Variants in ADGRL2 observed in about 807,000 individuals in gnomAD.
The protein encoded by ADGRL2 is calcium-independent alpha-latrotoxin receptor 2.
In ADGRL2, 44 loss-of-function variants were observed where a neutral mutation model predicts 157.4. The ratio of observed to expected loss-of-function variants is 0.28; its 90% CI spans 0.22 to 0.36. The LOEUF (loss-of-function observed/expected upper bound fraction) is 0.36, where lower values mean the gene tolerates loss of function less well. Ranked by LOEUF, ADGRL2 falls within the 10% of genes least tolerant of loss-of-function variation. ADGRL2 has a pLI of 1.00. For synonymous variants in ADGRL2, 585 were observed against 624.7 expected, an observed-to-expected ratio of 0.94 and a Z score of 0.95; for missense variants, 1,510 against 1,768.9, an observed-to-expected ratio of 0.85 and a Z score of 2.63.
At chr1:81,924,523 T>A (rs948067973) in intron 3 of ADGRL2, among the ~76,000 whole-genome samples, 5 of 152,106 alleles carry the variant, frequency 3.3e-5, no homozygotes, top group African/African-American at 4.8e-5. Context: ...CGTAGAGAGA[T>A]GTTTAGGAGA....
intron 11 of ADGRL2, among the ~76,000 whole-genome samples, chr1:81,962,704 G>A (rs1223260970): frequency 2.0e-5 from 3 of 152,136 alleles, no homozygotes; most frequent in African/African-American, 7.2e-5. Context: ...GAGAGAGGCA[G>A]CTGATTTGAT....
At chr1:81,427,363 A>G (rs879643528) in intron 1 of ADGRL2, 7 of 732,644 alleles carry the variant, frequency 9.6e-6, no homozygotes, top group Non-Finnish European at 1.7e-5. Flanking sequence ...GTGGCGGACC[A>G]GGATATGGAA....
At chr1:81,477,313 T>A (rs1453654558) in intron 2 of ADGRL2, among the ~76,000 whole-genome samples, 1 of 152,238 alleles carries the variant, frequency 6.6e-6, no homozygotes, top group Non-Finnish European at 1.5e-5. Flanking sequence ...AACACCTGAC[T>A]ATCCTGACAG....
chr1:81,451,314 T>C (rs2077698597), intron 2 of ADGRL2, among the ~76,000 whole-genome samples: 1 of 152,212 alleles, frequency 6.6e-6, no homozygotes, highest in South Asian at 2.1e-4. Flanking sequence ...ATGTATTCAT[T>C]TTGTATATAG....
intron 3 of ADGRL2, among the ~76,000 whole-genome samples, chr1:81,689,888 A>G (rs1030189404): frequency 1.3e-5 from 2 of 152,114 alleles, no homozygotes; most frequent in African/African-American, 2.4e-5. Flanking sequence ...TAGTTTTCAC[A>G]ACGCCCTCTC....
intron 12 of ADGRL2, 41 bp from the exon 13 acceptor site, chr1:81,966,363 C>T: frequency 6.4e-7 from 1 of 1,569,890 alleles, no homozygotes; most frequent in Non-Finnish European, 8.8e-7. Context: ...TATTAACAAG[C>T]ATGTTTTTTG....
At chr1:81,767,873 A>G (rs1433770826) in intron 2 of ADGRL2, among the ~76,000 whole-genome samples, 3 of 151,512 alleles carry the variant, frequency 2.0e-5, no homozygotes, top group Non-Finnish European at 4.4e-5. Context: ...AAAAAAGAAA[A>G]AAAAAAAAGA....
intron 1 of ADGRL2, among the ~76,000 whole-genome samples, chr1:81,365,186 T>C (rs1318695692): frequency 6.6e-6 from 1 of 152,110 alleles, no homozygotes; most frequent in African/African-American, 2.4e-5. Context: ...TCAATTTCTG[T>C]CATGTCAGTC....
rs751750516 is a variant in ADGRL2, at chr1:81,950,490, C to G, written c.1504+8C>G. The G allele has an allele frequency of 1.2e-6, 2 of 1,607,118 alleles. No individual in the cohort carries two copies. Among genetic ancestry groups the G allele is most frequent in the Non-Finnish European group, 1.7e-6 (2 of 1,176,210 alleles). On this transcript the variant is annotated splice_region_variant and intron_variant, in intron 7 of 23. Transcript: ENST00000686636. ...GCCCTAAGGGAACAAGAGGTATTTT[C>G]TATAAACTACCATGCATACATTTTT... is the stretch of plus-strand genomic sequence containing the variant.
intron 2 of ADGRL2, among the ~76,000 whole-genome samples, chr1:81,487,599 G>A (rs954357982): frequency 6.6e-6 from 1 of 152,014 alleles, no homozygotes; most frequent in Non-Finnish European, 1.5e-5. Context: ...GAGCTGAGAT[G>A]GCGCCACTGA....
At chr1:81,757,840 C>T (rs1302336685) in intron 1 of ADGRL2, among the ~76,000 whole-genome samples, 3 of 152,126 alleles carry the variant, frequency 2.0e-5, no homozygotes, top group South Asian at 4.1e-4. Context: ...CTCCAAGCGG[C>T]GGCACTGGAG....
At chr1:81,954,063 C>A (rs1380186198) in intron 10 of ADGRL2, among the ~76,000 whole-genome samples, 1 of 152,030 alleles carries the variant, frequency 6.6e-6, no homozygotes, top group Non-Finnish European at 1.5e-5. Context: ...CCCTTTTAGC[C>A]TGTTTAATAG....
chr1:81,477,615 T>G (rs554127652), intron 2 of ADGRL2, among the ~76,000 whole-genome samples: 6 of 152,202 alleles, frequency 3.9e-5, no homozygotes, highest in African/African-American at 1.4e-4. Flanking sequence ...ACTCCTGCAG[T>G]TTGTAGGATA....
intron 2 of ADGRL2, chr1:81,515,002 G>A (rs2079148497): frequency 6.6e-6 from 1 of 152,152 alleles, no homozygotes; most frequent in Non-Finnish European, 1.5e-5. Flanking sequence ...AATATTAACA[G>A]CATATTGTTT....
chr1:81,852,921 G>GA (rs1251375487), intron 2 of ADGRL2, among the ~76,000 whole-genome samples: 1 of 152,028 alleles, frequency 6.6e-6, no homozygotes, highest in Non-Finnish European at 1.5e-5. Flanking sequence ...TCTGTATGAA[G>GA]ATCTGATACT....
chr1:81,452,216 T>C (rs1229460243), intron 2 of ADGRL2, among the ~76,000 whole-genome samples: 1 of 152,194 alleles, frequency 6.6e-6, no homozygotes, highest in East Asian at 1.9e-4. Flanking sequence ...GGAAAGACTT[T>C]ACTCTTAAAT....
chr1:81,427,160 G>T, intron 1 of ADGRL2: 1 of 1,097,868 alleles, frequency 9.1e-7, no homozygotes, highest in Non-Finnish European at 1.4e-6. Context: ...TATGGGTTGC[G>T]GAGGAAACTT....
intron 1 of ADGRL2, among the ~76,000 whole-genome samples, chr1:81,413,032 T>C (rs1162724238): frequency 6.6e-6 from 1 of 152,222 alleles, no homozygotes; most frequent in Admixed American, 6.5e-5. Context: ...TTGTTATGCA[T>C]ATATCAAAGT....
At chr1:81,625,048 A>G (rs2081881890) in intron 3 of ADGRL2, among the ~76,000 whole-genome samples, 1 of 152,214 alleles carries the variant, frequency 6.6e-6, no homozygotes, top group Non-Finnish European at 1.5e-5. Flanking sequence ...ACTTTTATCT[A>G]TAATATACAA....
Sources: allele counts gnomAD v4.1 joint callset (sites outside exome capture counted in the v4.1 genomes callset), GRCh38; gene constraint gnomAD v4.1.1; transcripts MANE v1.5; gene names NCBI Gene and HGNC (gene_info 2026-07-23, HGNC 2026-07-21).